CDH13: variants seen among roughly 807,000 people sequenced by gnomAD.
CDH13 encodes the protein cadherin-13.
Under a neutral mutation model 63.8 loss-of-function variants are expected in CDH13, and 24 were observed. The ratio of observed to expected loss-of-function variants is 0.38; its 90% CI spans 0.27 to 0.53. The LOEUF is 0.53. Among genes scored for constraint, CDH13 ranks in the 20% least tolerant of loss-of-function variants. CDH13 has a pLI of 0.85. For synonymous variants in CDH13, 503 were observed against 355.3 expected (o/e 1.42, Z -4.67); for missense variants, 1,049 against 903.1 (o/e 1.16, Z -2.07).
At position 83,156,377 on chromosome 16, in the gene CDH13, T is replaced by G. The variant is rs74031407; in HGVS notation, c.483+30876T>G. Among the ~76,000 whole-genome samples, 969 of 149,980 alleles carry G rather than the reference T, an allele frequency of 6.5e-3. 11 individuals are homozygous for G. The highest frequency in any genetic ancestry group is 0.022 in the African/African-American group (879 of 39,392). On this transcript the variant is annotated intron_variant, in intron 4 of 13. Coordinates refer to ENST00000567109, the MANE Select transcript of CDH13 (RefSeq NM_001257.5). The stretch of plus-strand genomic sequence containing the variant: ...TCTCTAACCAGTATAAGCAAAGCAT[T>G]TTCCTTTCAAGAGTCTAATCCTAGC...
intron 1 of CDH13, among the ~76,000 whole-genome samples, chr16:82,696,990 T>C (rs759679748): frequency 6.6e-6 from 1 of 152,104 alleles, no homozygotes; most frequent in Non-Finnish European, 1.5e-5. Context: ...TTACACAAAA[T>C]GGCAAGTGGC....
At chr16:82,982,370 C>G (rs1300561830) in intron 2 of CDH13, among the ~76,000 whole-genome samples, 1 of 151,906 alleles carries the variant, frequency 6.6e-6, no homozygotes, top group Non-Finnish European at 1.5e-5. Flanking sequence ...AAAAAATTAC[C>G]CCAAACTTAG....
intron 8 of CDH13, among the ~76,000 whole-genome samples, chr16:83,653,484 T>A (rs143779978): frequency 1.3e-5 from 2 of 151,598 alleles, no homozygotes; most frequent in African/African-American, 4.8e-5. Flanking sequence ...TCAAACCAGA[T>A]TGAGGAAAAT....
intron 1 of CDH13, among the ~76,000 whole-genome samples, chr16:82,702,446 C>T (rs1387045485): frequency 6.6e-6 from 1 of 152,122 alleles, no homozygotes; most frequent in Non-Finnish European, 1.5e-5. Flanking sequence ...TCCCCAGGGC[C>T]CACATGCAGT....
intron 6 of CDH13, among the ~76,000 whole-genome samples, chr16:83,478,546 C>G (rs913316118): frequency 6.6e-6 from 1 of 152,140 alleles, no homozygotes; most frequent in African/African-American, 2.4e-5. Context: ...TGGGAGGGGT[C>G]CTTGTGCTGG....
rs117276870 is a variant in CDH13 at position 83,685,336 on chromosome 16, C to T, written c.1538+6875C>T. The stretch of plus-strand genomic sequence containing the variant: ...GCCATGAATGCCTTTTTAAATGGAA[C>T]CTTTCTGCTTAATAAATAACTACAG... On this transcript the variant is annotated intron_variant, in intron 10 of 13. Transcript: ENST00000567109. 2.7e-4 allele frequency among the ~76,000 whole-genome samples: 41 copies of T among 152,184 alleles called. No individual in the cohort carries two copies. The South Asian group carries it at 5.8e-3, about 22-fold the overall frequency.
chr16:83,295,124 A>G lies in CDH13; in HGVS notation c.637-49738A>G, dbSNP rs75423877. Among the ~76,000 whole-genome samples the G allele has an allele frequency of 4.4e-3, 676 of 152,228 alleles. 5 individuals are homozygous for G. Among genetic ancestry groups the G allele is most frequent in the African/African-American group, 0.015 (629 of 41,554 alleles). ...CCAGCATAGTTATCAAGAACACACA[A>G]TGGGGGAAAAAAACTCTTCAATAAA... is the stretch of plus-strand genomic sequence containing the variant. On this transcript the variant is annotated intron_variant, in intron 5 of 13. Transcript: ENST00000567109.
intron 5 of CDH13, among the ~76,000 whole-genome samples, chr16:83,264,956 T>C (rs983921967): frequency 7.9e-5 from 12 of 152,174 alleles, no homozygotes; most frequent in African/African-American, 2.9e-4. Context: ...TTATATGAAA[T>C]ACGACTCTGA....
chr16:82,922,114 C>T (rs1265723370), intron 2 of CDH13, among the ~76,000 whole-genome samples: 1 of 151,920 alleles, frequency 6.6e-6, no homozygotes, highest in Admixed American at 6.6e-5. Flanking sequence ...GTGGTATGCC[C>T]TTTGTTATTT....
intron 6 of CDH13, among the ~76,000 whole-genome samples, chr16:83,451,716 C>T (rs1394498296): frequency 6.6e-6 from 1 of 152,204 alleles, no homozygotes; most frequent in East Asian, 1.9e-4. Context: ...CGAGGTCCCA[C>T]TATATTACCC....
chr16:83,675,673 A>G, intron 9 of CDH13, among the ~76,000 whole-genome samples: 1 of 152,228 alleles, frequency 6.6e-6, no homozygotes. Flanking sequence ...TTTATTGAAG[A>G]GACAGCTGAG....
At chr16:83,203,580 G>C (rs2039095166) in intron 4 of CDH13, among the ~76,000 whole-genome samples, 1 of 150,380 alleles carries the variant, frequency 6.6e-6, no homozygotes, top group South Asian at 2.1e-4. Context: ...CCAGCTACTT[G>C]GGAGGCTGAG....
chr16:82,679,040 A>T (rs184844114), intron 1 of CDH13, among the ~76,000 whole-genome samples: 9 of 152,310 alleles, frequency 5.9e-5, no homozygotes, highest in African/African-American at 2.2e-4. Context: ...CACTCCTCCC[A>T]AGACAGCTAT....
chr16:83,742,849 T>C (rs1284900491), intron 10 of CDH13, among the ~76,000 whole-genome samples: 1 of 152,198 alleles, frequency 6.6e-6, no homozygotes, highest in Non-Finnish European at 1.5e-5. Context: ...CAAGCTGTCC[T>C]TCCAGGGCAT....
chr16:82,802,803 A>G (rs1031507727), intron 1 of CDH13, among the ~76,000 whole-genome samples: 2 of 152,234 alleles, frequency 1.3e-5, no homozygotes, highest in Admixed American at 6.5e-5. Flanking sequence ...CTGCCAGGAA[A>G]GTGCACTGTA....
At position 83,708,554 on chromosome 16, in the gene CDH13, C is replaced by T. The variant is rs368079011; in HGVS notation, c.1538+30093C>T. On this transcript the variant is annotated intron_variant, in intron 10 of 13. Coordinates refer to ENST00000567109, the MANE Select transcript of CDH13 (RefSeq NM_001257.5). ...ATTCATAGCCTTTGTGGCCTCTCTT[C>T]CTGCTAACCATGCTAGGCTAAGTAA... Among the ~76,000 whole-genome samples, 3 of 152,188 alleles carry T rather than the reference C, an allele frequency of 2.0e-5. No individual in the cohort carries two copies. The East Asian group carries it at 5.8e-4, about 29-fold the overall frequency.
At chr16:82,939,552 C>T (rs538215490) in intron 2 of CDH13, among the ~76,000 whole-genome samples, 97 of 152,176 alleles carry the variant, frequency 6.4e-4, no homozygotes, top group African/African-American at 2.3e-3. Context: ...AGCGAATACT[C>T]AGGTGAGATC....
chr16:83,069,995 T>C (rs1169398140), intron 3 of CDH13, among the ~76,000 whole-genome samples: 2 of 152,332 alleles, frequency 1.3e-5, no homozygotes, highest in South Asian at 2.1e-4. Context: ...CCAATGGCAC[T>C]TTAAAAATTT....
intron 11 of CDH13, among the ~76,000 whole-genome samples, chr16:83,754,631 A>G (rs1242886788): frequency 3.9e-5 from 6 of 152,122 alleles, no homozygotes; most frequent in African/African-American, 1.2e-4. Flanking sequence ...AATAAGTCTC[A>G]TGAGATCTGA....
Sources: allele counts gnomAD v4.1 joint callset (sites outside exome capture counted in the v4.1 genomes callset), GRCh38; gene constraint gnomAD v4.1.1; transcripts MANE v1.5; gene names NCBI Gene and HGNC (gene_info 2026-07-23, HGNC 2026-07-21).